Variants in CHN1 observed in about 807,000 individuals in gnomAD.
CHN1 encodes chimerin 1.
CHN1 carries 37 observed loss-of-function variants against 59.5 expected under a neutral mutation model. The observed-to-expected ratio is 0.62, with a 90% CI of 0.48 to 0.82. The LOEUF (loss-of-function observed/expected upper bound fraction) is 0.82, where lower values mean the gene tolerates loss of function less well. Ranked by LOEUF, CHN1 falls within the 40% of genes least tolerant of loss-of-function variation. The probability of loss-of-function intolerance (pLI) is 0.00; values close to 1 mark genes in which losing one functional copy is unlikely to be tolerated. For synonymous variants in CHN1, 206 were observed against 200.4 expected, an observed-to-expected ratio of 1.03 and a Z score of -0.24; for missense variants, 469 against 571.0, an observed-to-expected ratio of 0.82 and a Z score of 1.82.
chr2:174,823,509 A>G (rs1356220419), intron 8 of CHN1, among the ~76,000 whole-genome samples: 1 of 151,936 alleles, frequency 6.6e-6, no homozygotes, highest in African/African-American at 2.4e-5. Flanking sequence ...TAAAAATACA[A>G]AAAATTAGCT....
At chr2:174,872,118 CAA>C (rs534864062) in intron 6 of CHN1, among the ~76,000 whole-genome samples, 153 of 151,970 alleles carry the variant, frequency 1.0e-3, no homozygotes, top group Non-Finnish European at 1.9e-3. Context: ...CTCATCTCTA[CAA>C]AAAAATACAA....
chr2:174,975,964 CA>C (rs76741492), intron 1 of CHN1, among the ~76,000 whole-genome samples: 63,498 of 144,612 alleles, frequency 0.44, 13,944 homozygotes, highest in Admixed American at 0.52. Context: ...TGCTAAAATA[CA>C]AAAAAAAAAA....
rs192557869 is a variant in CHN1 at position 174,834,679 on chromosome 2, T to C, written c.628-10161A>G. Among the ~76,000 whole-genome samples the C allele has an allele frequency of 2.1e-3, 327 of 152,302 alleles. 2 individuals are homozygous for C. Among genetic ancestry groups the C allele is most frequent in the South Asian group, 0.014 (68 of 4,828 alleles). On this transcript the variant is annotated intron_variant, in intron 7 of 12. Transcript: ENST00000409900. ...CCCCCCAACTGCTTTTAAAAAAAAC[T>C]TTGTAAGATGTGTGAGTACCAGTGA...
At chr2:174,885,908 T>G (rs1472667094) in intron 5 of CHN1, among the ~76,000 whole-genome samples, 1 of 152,254 alleles carries the variant, frequency 6.6e-6, no homozygotes, top group Admixed American at 6.5e-5. Context: ...CAGAAAAGTA[T>G]TTTACATGCA....
intron 7 of CHN1, among the ~76,000 whole-genome samples, chr2:174,843,436 C>T (rs963906790): frequency 6.6e-6 from 1 of 151,826 alleles, no homozygotes; most frequent in Admixed American, 6.6e-5. Flanking sequence ...ACAGGGTTTC[C>T]CCATATTGGC....
intron 1 of CHN1, among the ~76,000 whole-genome samples, chr2:175,003,462 C>A (rs776711799): frequency 6.6e-6 from 1 of 151,988 alleles, no homozygotes; most frequent in East Asian, 1.9e-4. Context: ...CTTTTTTATT[C>A]GTCAGGAATG....
At chr2:174,999,047 T>C (rs1249646825) in intron 1 of CHN1, among the ~76,000 whole-genome samples, 1 of 152,140 alleles carries the variant, frequency 6.6e-6, no homozygotes, top group African/African-American at 2.4e-5. Context: ...ATTTATAACT[T>C]TATTTTGTCA....
chr2:174,908,484 C>A (rs1483915859), intron 5 of CHN1, among the ~76,000 whole-genome samples: 4 of 152,160 alleles, frequency 2.6e-5, no homozygotes, highest in African/African-American at 9.7e-5. Flanking sequence ...GCATGAAATT[C>A]TAGGCTCTCC....
chr2:174,858,034 T>G (rs1686959831), intron 6 of CHN1, among the ~76,000 whole-genome samples: 3 of 152,134 alleles, frequency 2.0e-5, no homozygotes, highest in Non-Finnish European at 4.4e-5. Flanking sequence ...TTCAAGTTAT[T>G]GCATCTCAGC....
chr2:174,995,092 G>A (rs1691664513), intron 1 of CHN1, among the ~76,000 whole-genome samples: 1 of 152,124 alleles, frequency 6.6e-6, no homozygotes, highest in Admixed American at 6.5e-5. Flanking sequence ...TGACAGTATT[G>A]TTATATGTTT....
rs1686231006 is a variant in CHN1 at position 174,839,974 on chromosome 2, CA to C, written c.627+6905del. On this transcript the variant is annotated intron_variant, in intron 7 of 12. Transcript: ENST00000409900. Reference sequence around the variant, plus strand: ...TCACACACAAAAAAAAATCTCTCTCCAAAGTTTAAACTACCCTCTGTCGAAT... The same window carrying C: ...TCACACACAAAAAAAAATCTCTCTCCAAGTTTAAACTACCCTCTGTCGAAT... 2.0e-5 allele frequency among the ~76,000 whole-genome samples: 3 copies of C among 151,850 alleles called. No individual in the cohort carries two copies. In the South Asian group the frequency reaches 6.2e-4, roughly 32 times the overall value.
chr2:174,994,974 A>T (rs1691660724), intron 1 of CHN1, among the ~76,000 whole-genome samples: 1 of 152,240 alleles, frequency 6.6e-6, no homozygotes, highest in Admixed American at 6.5e-5. Flanking sequence ...TTCCGATTAC[A>T]GACTCTCATA....
At chr2:174,874,194 C>A (rs1687490285) in intron 6 of CHN1, among the ~76,000 whole-genome samples, 1 of 152,154 alleles carries the variant, frequency 6.6e-6, no homozygotes, top group Non-Finnish European at 1.5e-5. Context: ...GGTCCAGTAT[C>A]TGTTGACATA....
chr2:174,824,928 G>A (rs914327349), intron 7 of CHN1, among the ~76,000 whole-genome samples: 8 of 152,122 alleles, frequency 5.3e-5, no homozygotes, highest in Non-Finnish European at 7.4e-5. Context: ...GTAATGAAGC[G>A]CCAACATGGC....
At chr2:174,828,310 C>T (rs1199644360) in intron 7 of CHN1, among the ~76,000 whole-genome samples, 1 of 152,144 alleles carries the variant, frequency 6.6e-6, no homozygotes, top group Non-Finnish European at 1.5e-5. Flanking sequence ...ATTATAAAAT[C>T]GTACTATACC....
At chr2:174,837,003 C>A (rs1173463275) in intron 7 of CHN1, 4 of 152,122 alleles carry the variant, frequency 2.6e-5, no homozygotes, top group Admixed American at 1.3e-4. Flanking sequence ...TCAAAGGATA[C>A]CTTCAATTAA....
chr2:174,855,262 G>T (rs116010496), intron 6 of CHN1, among the ~76,000 whole-genome samples: 2,031 of 152,228 alleles, frequency 0.013, 37 homozygotes, highest in African/African-American at 0.046. Context: ...CAATGCTCCA[G>T]TTATCAAAGC....
chr2:174,924,699 G>T (rs920122107), intron 3 of CHN1, among the ~76,000 whole-genome samples: 2 of 152,090 alleles, frequency 1.3e-5, no homozygotes, highest in Non-Finnish European at 2.9e-5. Context: ...GATAATTAAG[G>T]AATTTGTAAT....
chr2:174,863,501 G>C (rs1419044767), intron 6 of CHN1, among the ~76,000 whole-genome samples: 1 of 151,754 alleles, frequency 6.6e-6, no homozygotes, highest in African/African-American at 2.4e-5. Context: ...AAATTTTTTT[G>C]TTTCAAAAAT....
Sources: gnomAD v4.1 joint callset for allele counts (sites outside exome capture counted in the v4.1 genomes callset) on GRCh38, gnomAD v4.1.1 for gene constraint, MANE v1.5 for transcripts, NCBI Gene and HGNC (gene_info 2026-07-23, HGNC 2026-07-21) for gene names.